The following ROS1 variants were observed in gnomAD, a reference collection of about 807,000 sequenced individuals.
ROS1 encodes ROS proto-oncogene 1, receptor tyrosine kinase, also known as proto-oncogene tyrosine-protein kinase ROS.
A neutral mutation model predicts 273.5 loss-of-function variants in ROS1; 263 were observed. The observed-to-expected ratio is 0.96, with a 90% confidence interval of 0.87 to 1.06. The LOEUF is 1.06. ROS1 is among the 50% of genes least tolerant of loss of function. The pLI, the probability that ROS1 is intolerant of heterozygous loss-of-function variation, is 0.00. For missense variants in ROS1, 2,833 were observed against 2,751.1 expected (o/e 1.03, Z -0.67); for synonymous variants, 1,008 against 954.1 (o/e 1.06, Z -1.04).
At chr6:117,342,284 T>TA in intron 29 of ROS1, 116 bp downstream of exon 29, 1 of 1,031,724 alleles carries the variant, frequency 9.7e-7, no homozygotes, top group South Asian at 1.5e-5. Context: ...TTATTAAACT[T>TA]AAAAAAGCTT....
In ROS1 at chr6:117,383,348, A is replaced by C. The variant is rs924426086; in HGVS notation, c.2450T>G (p.Leu817Arg). Reference sequence around the variant, plus strand: ...CCCAGAAAACCAAGGCTGTGTCTGTAGTACAAGGGAACTTTCCCCATTTAG... The same window carrying C: ...CCCAGAAAACCAAGGCTGTGTCTGTCGTACAAGGGAACTTTCCCCATTTAG... ...TRLNGESSLV[L>R]QTQPWFSGKK... Residue 817 changes from leucine to arginine, a missense_variant, in exon 17 of 44, where the codon CTA becomes CGA. Leu to Arg is a moderately radical substitution (Grantham distance 102). Coordinates refer to ENST00000368507, the MANE Select transcript of ROS1 (RefSeq NM_001378902.1). 1 of 1,613,866 alleles carries C rather than the reference A, an allele frequency of 6.2e-7. No homozygotes were observed. Among genetic ancestry groups the C allele is most frequent in the African/African-American group, 1.3e-5 (1 of 74,924 alleles).
At chr6:117,382,630 A>G (rs1772244517) in intron 17 of ROS1, among the ~76,000 whole-genome samples, 1 of 152,160 alleles carries the variant, frequency 6.6e-6, no homozygotes. Flanking sequence ...GCTAAACAGA[A>G]TCAACAAAAA....
chr6:117,362,753 C>A lies in ROS1; in HGVS notation c.3216G>T (p.Gly1072=). 1.2e-6 allele frequency: 2 copies of A among 1,613,622 alleles called. No homozygotes were observed. The highest frequency in any genetic ancestry group is 2.2e-5 in the South Asian group (2 of 91,056). ...AGAAAATTTCAAATTTTGTTAACAC[C>A]CCATTTTCATGCTTAGGTTTGTTCC... The part of the protein sequence containing the change: ...FRWNKPKHEN[G]VLTKFEIFYN... The change falls in exon 22 of 44, where the codon GGG becomes GGT. Residue 1072 remains glycine, a synonymous_variant. Transcript: ENST00000368507.
At position 117,362,846 on chromosome 6, in the gene ROS1, G is replaced by A. The variant is rs2128655525; in HGVS notation, c.3123C>T (p.Asn1041=). Reference sequence around the variant, plus strand: ...CACTTGGTAATATAAATATTCTGGGGTTCTCTGGTGCTGATGGAACTGAAA... The same window carrying A: ...CACTTGGTAATATAAATATTCTGGGATTCTCTGGTGCTGATGGAACTGAAA... ...APETVPSAPE[N]PRIFILPSGK... is the part of the protein sequence containing the mutation. The change falls in exon 22 of 44, where the codon AAC becomes AAT. Residue 1041 remains asparagine (N), a synonymous_variant. Transcript: ENST00000368507. 1 of 1,612,248 alleles carries A rather than the reference G, an allele frequency of 6.2e-7. No homozygotes were observed. The highest frequency in any genetic ancestry group is 1.7e-4 in the Middle Eastern group (1 of 5,984).
intron 42 of ROS1, among the ~76,000 whole-genome samples, chr6:117,302,247 T>C (rs1319334911): frequency 6.6e-6 from 1 of 152,224 alleles, no homozygotes; most frequent in Non-Finnish European, 1.5e-5. Context: ...TTTTAAGTAA[T>C]ATTCAGTCTT....
intron 6 of ROS1, among the ~76,000 whole-genome samples, chr6:117,403,811 C>T (rs892695268): frequency 6.6e-6 from 1 of 152,170 alleles, no homozygotes; most frequent in Admixed American, 6.5e-5. Context: ...TAAAATAAGC[C>T]TTAATGTTAA....
rs761778626 is a variant in ROS1, at chr6:117,308,776, T to G, written c.6551+18A>C. On this transcript the variant is annotated intron_variant, in intron 42 of 43. Transcript: ENST00000368507. ...TGTTTTTGTTTGGGGGATACATATG[T>G]TAACATAATTAACTTACAGATCATC... 1 of 1,610,272 alleles carries G rather than the reference T, an allele frequency of 6.2e-7. No individual in the cohort carries two copies. The highest frequency in any genetic ancestry group is 1.1e-5 in the South Asian group (1 of 90,534).
At chr6:117,347,827 C>A (rs1048128771) in intron 27 of ROS1, among the ~76,000 whole-genome samples, 2 of 152,020 alleles carry the variant, frequency 1.3e-5, no homozygotes, top group African/African-American at 4.8e-5. Flanking sequence ...AATGTGACCG[C>A]CTGATTTTTC....
intron 15 of ROS1, 94 bp downstream of exon 15, chr6:117,386,795 C>A: frequency 3.3e-6 from 2 of 599,284 alleles, no homozygotes; most frequent in Non-Finnish European, 2.9e-6. Context: ...TGACCAAATA[C>A]AAAAATACCC....
At chr6:117,372,920 CCCATTTTACAGAGAGCTGATTGGT>C (rs1304583074) in intron 18 of ROS1, among the ~76,000 whole-genome samples, 6 of 152,160 alleles carry the variant, frequency 3.9e-5, no homozygotes, top group African/African-American at 1.2e-4. Context: ...TGCTGATTGG[CCCATTTTACAGAGAGCTGATTGGT>C]CCATTTTACA....
At position 117,341,199 on chromosome 6, in the gene ROS1, A is replaced by G; in HGVS notation, c.4997T>C (p.Leu1666Ser). ...CAATGGAGCCTTCCAATTAAATTGCAAACTAGTGTTCTCTGGAACCAAGGA... is the reference window on the plus strand; with the variant it reads ...CAATGGAGCCTTCCAATTAAATTGCGAACTAGTGTTCTCTGGAACCAAGGA... The part of the protein sequence containing the change: ...PYSLVPENTS[L>S]QFNWKAPLNV... Residue 1666 changes from leucine to serine, a missense_variant, in exon 31 of 44, where the codon TTG (leucine) becomes TCG (serine). Leu to Ser is a moderately radical substitution (Grantham distance 145). Transcript: ENST00000368507. 1.2e-6 allele frequency: 2 copies of G among 1,613,534 alleles called. No homozygotes were observed. The highest frequency in any genetic ancestry group is 1.7e-6 in the Non-Finnish European group (2 of 1,179,600).
chr6:117,308,133 A>T (rs144048847), intron 42 of ROS1, among the ~76,000 whole-genome samples: 1 of 152,264 alleles, frequency 6.6e-6, no homozygotes, highest in East Asian at 1.9e-4. Context: ...ATTTCTGCTG[A>T]TACTTTCCAC....
At chr6:117,316,947 C>T (rs1340906062) in intron 39 of ROS1, among the ~76,000 whole-genome samples, 196 bp downstream of exon 39, 3 of 152,160 alleles carry the variant, frequency 2.0e-5, no homozygotes, top group Non-Finnish European at 4.4e-5. Flanking sequence ...GGCTCGGGCT[C>T]ACATGACCAG....
At chr6:117,345,494 T>G (rs1431382768) in intron 27 of ROS1, among the ~76,000 whole-genome samples, 1 of 152,236 alleles carries the variant, frequency 6.6e-6, no homozygotes, top group Non-Finnish European at 1.5e-5. Flanking sequence ...AGACTGTGCT[T>G]GAATTATCTT....
At chr6:117,383,246 C>T (rs561031345) in intron 17 of ROS1, 71 bp downstream of exon 17, 18 of 1,215,632 alleles carry the variant, frequency 1.5e-5, no homozygotes, top group African/African-American at 3.0e-5. Flanking sequence ...TCACAATAAG[C>T]GAGAGAAAGT....
intron 7 of ROS1, among the ~76,000 whole-genome samples, chr6:117,402,635 C>CTTTGGGAGG (rs1252225900): frequency 6.6e-6 from 1 of 152,176 alleles, no homozygotes; most frequent in Non-Finnish European, 1.5e-5. Context: ...CGCCTATAAT[C>CTTTGGGAGG]CCAGCACTTT....
At chr6:117,319,277 C>A (rs1452648936) in intron 37 of ROS1, among the ~76,000 whole-genome samples, 1 of 152,124 alleles carries the variant, frequency 6.6e-6, no homozygotes. Context: ...TGGGCCAAAT[C>A]CAGCCTGTCA....
chr6:117,378,922 C>G (rs1771885404), intron 18 of ROS1, 137 bp downstream of exon 18: 6 of 598,444 alleles, frequency 1.0e-5, no homozygotes, highest in Non-Finnish European at 1.5e-5. Context: ...AACCTCTTTA[C>G]CCTACAAGCC....
chr6:117,378,828 A>G lies in ROS1; in HGVS notation c.2582+231T>C, dbSNP rs184911609. On this transcript the variant is annotated intron_variant, in intron 18 of 43. Transcript: ENST00000368507. ...CCATACACTTCCTGGGCTCTTAAGC[A>G]GCATTCTCCTGAGTGTCTATACTGT... 3.3e-4 allele frequency among the ~76,000 whole-genome samples: 51 copies of G among 152,270 alleles called. No individual in the cohort carries two copies. The East Asian group carries it at 9.6e-3, about 29-fold the overall frequency.
Sources: allele counts gnomAD v4.1 joint callset (sites outside exome capture counted in the v4.1 genomes callset), GRCh38; gene constraint gnomAD v4.1.1; transcripts MANE v1.5; gene names NCBI Gene and HGNC (gene_info 2026-07-23, HGNC 2026-07-21).